The following ATG7 variants were observed in gnomAD, a reference collection of about 807,000 sequenced individuals.
The protein encoded by ATG7 is autophagy related 7.
Under a neutral mutation model 82.4 loss-of-function variants are expected in ATG7, and 70 were observed. That is an observed-to-expected ratio of 0.85 (90% CI 0.70 to 1.04). The LOEUF is 1.04. Among genes scored for constraint, ATG7 ranks in the 50% least tolerant of loss-of-function variants. The pLI is 0.00. For synonymous variants in ATG7, 287 were observed against 313.0 expected (o/e 0.92, Z 0.88); for missense variants, 792 against 864.3 (o/e 0.92, Z 1.05).
At chr3:11,454,159 T>C (rs2085469752) in intron 20 of ATG7, among the ~76,000 whole-genome samples, 1 of 152,166 alleles carries the variant, frequency 6.6e-6, no homozygotes, top group African/African-American at 2.4e-5. Flanking sequence ...ATCTGCTGGT[T>C]TTTCTGCCTA....
At chr3:11,354,863 G>T (rs1388768151) in intron 14 of ATG7, among the ~76,000 whole-genome samples, 1 of 152,180 alleles carries the variant, frequency 6.6e-6, no homozygotes, top group African/African-American at 2.4e-5. Context: ...GTCATAGGTA[G>T]TGAAAGACTG....
intron 20 of ATG7, among the ~76,000 whole-genome samples, chr3:11,517,525 G>A (rs2092318335): frequency 6.6e-6 from 1 of 152,102 alleles, no homozygotes; most frequent in African/African-American, 2.4e-5. Flanking sequence ...GAGTCAGCAG[G>A]CACACAGAGG....
intron 3 of ATG7, among the ~76,000 whole-genome samples, chr3:11,291,930 G>T (rs1429226749): frequency 1.3e-5 from 2 of 152,210 alleles, no homozygotes; most frequent in Non-Finnish European, 2.9e-5. Flanking sequence ...GTGTAGTAAG[G>T]CCAGTAAGCT....
At chr3:11,467,573 A>G (rs930694223) in intron 20 of ATG7, among the ~76,000 whole-genome samples, 20 of 152,130 alleles carry the variant, frequency 1.3e-4, no homozygotes, top group Middle Eastern at 3.4e-3. Context: ...GCGGGGTTTC[A>G]CCATGTTCGC....
the ATG7 span, among the ~76,000 whole-genome samples, chr3:11,571,389 C>T: frequency 6.6e-6 from 1 of 152,184 alleles, no homozygotes; most frequent in Non-Finnish European, 1.5e-5. Flanking sequence ...CCCCCATTAA[C>T]TCTCCATAAA....
chr3:11,569,255 G>A, the ATG7 span, among the ~76,000 whole-genome samples: 35,035 of 152,042 alleles, frequency 0.23, 4,802 homozygotes, highest in African/African-American at 0.37. Flanking sequence ...TTCATTCACC[G>A]TGGACTGCCA....
intron 20 of ATG7, among the ~76,000 whole-genome samples, chr3:11,512,144 C>A (rs1383936073): frequency 2.0e-5 from 3 of 152,176 alleles, no homozygotes; most frequent in Admixed American, 6.5e-5. Flanking sequence ...GGACTGCCAG[C>A]ATGCTGTCAC....
chr3:11,340,360 T>G (rs1953338141), intron 11 of ATG7, among the ~76,000 whole-genome samples: 1 of 151,918 alleles, frequency 6.6e-6, no homozygotes, highest in Non-Finnish European at 1.5e-5. Flanking sequence ...TTGAGCCACC[T>G]TGGGCCAGAG....
chr3:11,436,456 T>C (rs1314643840), intron 20 of ATG7, among the ~76,000 whole-genome samples: 1 of 152,200 alleles, frequency 6.6e-6, no homozygotes, highest in African/African-American at 2.4e-5. Context: ...ACCCAGGGAT[T>C]GTACCCCTAG....
intron 20 of ATG7, among the ~76,000 whole-genome samples, chr3:11,445,018 C>A (rs190776342): frequency 1.3e-5 from 2 of 152,282 alleles, no homozygotes; most frequent in East Asian, 3.9e-4. Context: ...ACATCTCACA[C>A]CAGTCAGAAC....
chr3:11,546,105 C>T (rs1366690393), intron 20 of ATG7, among the ~76,000 whole-genome samples: 2 of 151,176 alleles, frequency 1.3e-5, no homozygotes, highest in African/African-American at 4.9e-5. Flanking sequence ...CACCACACTC[C>T]AGCCTGGGTG....
chr3:11,403,217 C>T (rs1442203589), intron 19 of ATG7, among the ~76,000 whole-genome samples: 5 of 152,140 alleles, frequency 3.3e-5, no homozygotes, highest in East Asian at 1.9e-4. Context: ...TGTAAACTGA[C>T]GTGCACCTAT....
Sources: allele counts gnomAD v4.1 joint callset (sites outside exome capture counted in the v4.1 genomes callset), GRCh38; gene constraint gnomAD v4.1.1; transcripts MANE v1.5; gene names NCBI Gene and HGNC (gene_info 2026-07-23, HGNC 2026-07-21).